The following SLC5A1 variants were observed in gnomAD, a reference collection of about 807,000 sequenced individuals.
SLC5A1 encodes sodium/glucose cotransporter 1.
SLC5A1 carries 42 observed loss-of-function variants against 73.5 expected under a neutral mutation model. That is an observed-to-expected ratio of 0.57 (90% CI 0.45 to 0.74). SLC5A1 has a LOEUF of 0.74. Among genes scored for constraint, SLC5A1 ranks in the 30% least tolerant of loss-of-function variants. The pLI is 0.00. For synonymous variants in SLC5A1, 300 were observed against 317.4 expected (o/e 0.95, Z 0.58); for missense variants, 634 against 855.4 (o/e 0.74, Z 3.23).
chr22:32,043,620 G>A lies in SLC5A1; in HGVS notation c.135+204G>A, dbSNP rs1010168562. 1.3e-5 allele frequency among the ~76,000 whole-genome samples: 2 copies of A among 152,144 alleles called. No homozygotes were observed. The highest frequency in any genetic ancestry group is 4.8e-5 in the African/African-American group (2 of 41,436). ...AGCAGAAGTGAGAAGGGTGCCCAGG[G>A]CAGCCTGCCAGGAAGGACCAAGGAG... On this transcript the variant is annotated intron_variant, in intron 1 of 14. Coordinates refer to ENST00000266088, the MANE Select transcript of SLC5A1 (RefSeq NM_000343.4). The surrounding 1 kb of genome is among the most constrained non-coding windows in gnomAD (Gnocchi z 6.5).
At chr22:32,061,754 G>C (rs2093963455) in intron 2 of SLC5A1, among the ~76,000 whole-genome samples, 1 of 152,206 alleles carries the variant, frequency 6.6e-6, no homozygotes, top group Non-Finnish European at 1.5e-5. Context: ...GTTTCAAAGA[G>C]GATTTGAAGG....
At chr22:32,105,289 ATTTTTTTT>A (rs750353760) in intron 14 of SLC5A1, among the ~76,000 whole-genome samples, 3 of 128,232 alleles carry the variant, frequency 2.3e-5, no homozygotes, top group African/African-American at 9.6e-5. Context: ...TGCACTCTTA[ATTTTTTTT>A]TTTTTTTTTT....
chr22:32,057,036 G>C (rs1363698215), intron 2 of SLC5A1, among the ~76,000 whole-genome samples: 1 of 152,222 alleles, frequency 6.6e-6, no homozygotes, highest in Non-Finnish European at 1.5e-5. Flanking sequence ...CAGTGGAAGA[G>C]ACTGAGGCTA....
chr22:32,090,057 G>A (rs932124968), intron 10 of SLC5A1, among the ~76,000 whole-genome samples: 2 of 147,028 alleles, frequency 1.4e-5, no homozygotes, highest in Admixed American at 6.9e-5. Flanking sequence ...AGAGCTTGAC[G>A]TAACTTGCTT....
chr22:32,097,818 A>C (rs1474941761), intron 11 of SLC5A1, among the ~76,000 whole-genome samples: 1 of 152,250 alleles, frequency 6.6e-6, no homozygotes, highest in Non-Finnish European at 1.5e-5. Context: ...TTTATCAAAG[A>C]CACCATTAAT....
chr22:32,104,906 A>G lies in SLC5A1; in HGVS notation c.1771+15A>G. The G allele has an allele frequency of 6.4e-7, 1 of 1,556,882 alleles. No homozygotes were observed. The highest frequency in any genetic ancestry group is 8.9e-7 in the Non-Finnish European group (1 of 1,127,840). On this transcript the variant is annotated intron_variant, in intron 14 of 14. Coordinates refer to ENST00000266088, the MANE Select transcript of SLC5A1 (RefSeq NM_000343.4). ...CATTGAAATAGGTGACTTATGACCC[A>G]GAGCAGATCCTAAACCATAAAAGTT...
chr22:32,088,967 T>C (rs1232271473), intron 10 of SLC5A1, among the ~76,000 whole-genome samples: 1 of 152,256 alleles, frequency 6.6e-6, no homozygotes, highest in Admixed American at 6.5e-5. Context: ...CCTAGTCTGA[T>C]AGACCATTAT....
intron 2 of SLC5A1, among the ~76,000 whole-genome samples, chr22:32,064,780 C>T (rs80321137): frequency 0.045 from 6,843 of 152,218 alleles, 208 homozygotes; most frequent in Non-Finnish European, 0.07. Flanking sequence ...GCCACTGTCC[C>T]CTCTCACCTA....
rs2094037016 is a variant in SLC5A1 at position 32,101,879 on chromosome 22, A to G, written c.1450-143A>G. 4 of 703,056 alleles carry G rather than the reference A, an allele frequency of 5.7e-6. No homozygotes were observed. In the Admixed American group the frequency reaches 8.2e-5, roughly 14 times the overall value. The allele number at this position is 703,056 out of a possible 1,614,324, so 43.6% of individuals were successfully genotyped here. On this transcript the variant is annotated intron_variant, in intron 12 of 14. Transcript: ENST00000266088. ...CACTCCTAGCCATATTCTGAACTTC[A>G]GTGTTCTGGGTTCAGACAGCCTGGA...
chr22:32,078,971 A>AAAAAAAAAAAAAAAAAAAAAAAC (rs2093995333), intron 5 of SLC5A1, among the ~76,000 whole-genome samples: 1 of 95,026 alleles, frequency 1.1e-5, no homozygotes, highest in African/African-American at 2.8e-5. Flanking sequence ...AAAAAAAAAA[A>AAAAAAAAAAAAAAAAAAAAAAAC]AAAAAAAAAA....
intron 2 of SLC5A1, among the ~76,000 whole-genome samples, chr22:32,064,923 T>A (rs990092591): frequency 3.3e-5 from 5 of 152,190 alleles, no homozygotes; most frequent in African/African-American, 7.2e-5. Flanking sequence ...TCCTCCAGTG[T>A]CATCCCATCT....
intron 11 of SLC5A1, among the ~76,000 whole-genome samples, chr22:32,094,502 C>T (rs1310342843): frequency 6.6e-6 from 1 of 152,072 alleles, no homozygotes; most frequent in East Asian, 1.9e-4. Flanking sequence ...TTTTAAATTA[C>T]CATTTCAACT....
intron 5 of SLC5A1, among the ~76,000 whole-genome samples, chr22:32,074,390 C>A (rs768716365): frequency 6.6e-6 from 1 of 152,272 alleles, no homozygotes; most frequent in African/African-American, 2.4e-5. Context: ...AGCCCATCCC[C>A]GAGGAGCCCG....
In SLC5A1 at chr22:32,083,155, G is replaced by GT; in HGVS notation, c.664+2dup. The GT allele has an allele frequency of 6.2e-7, 1 of 1,613,926 alleles. No individual in the cohort carries two copies. The highest frequency in any genetic ancestry group is 8.5e-7 in the Non-Finnish European group (1 of 1,179,798). On this transcript the variant is annotated splice_donor_variant, in intron 7 of 14. Coordinates refer to ENST00000266088, the MANE Select transcript of SLC5A1 (RefSeq NM_000343.4). LOFTEE classifies it high-confidence loss of function. ...GGGTCTTTAATCCTGACTGGGTTTG[G>GT]TAAGTGGGGCCAGGGCAGGCTGAGG...
intron 10 of SLC5A1, among the ~76,000 whole-genome samples, chr22:32,090,457 A>G (rs2094015334): frequency 6.6e-6 from 1 of 151,976 alleles, no homozygotes; most frequent in Admixed American, 6.5e-5. Context: ...CAAGGTTCAT[A>G]TGTGTCCTAG....
intron 14 of SLC5A1, among the ~76,000 whole-genome samples, chr22:32,106,662 G>A (rs1333788199): frequency 6.6e-6 from 1 of 152,166 alleles, no homozygotes; most frequent in African/African-American, 2.4e-5. Context: ...TTCTCTCGAA[G>A]ACCAATGAAA....
intron 11 of SLC5A1, among the ~76,000 whole-genome samples, chr22:32,096,897 G>A (rs145777742): frequency 2.0e-5 from 3 of 152,284 alleles, no homozygotes; most frequent in Non-Finnish European, 4.4e-5. Context: ...AGCAAACATG[G>A]TAGGCCACTT....
intron 11 of SLC5A1, among the ~76,000 whole-genome samples, chr22:32,092,413 G>T (rs529884123): frequency 6.6e-6 from 1 of 152,256 alleles, no homozygotes; most frequent in South Asian, 2.1e-4. Context: ...ATAAACCTGC[G>T]TGTGCAAACA....
chr22:32,084,772 T>G (rs1207997628), intron 8 of SLC5A1, 113 bp downstream of exon 8: 1 of 1,518,476 alleles, frequency 6.6e-7, no homozygotes, highest in African/African-American at 1.4e-5. Flanking sequence ...TCAGGTGGTT[T>G]GTAAGTTGCC....
Sources: gnomAD v4.1 joint callset for allele counts (sites outside exome capture counted in the v4.1 genomes callset) on GRCh38, gnomAD v4.1.1 for gene constraint, Gnocchi (gnomAD v3.1) non-coding constraint, MANE v1.5 for transcripts, NCBI Gene and HGNC (gene_info 2026-07-23, HGNC 2026-07-21) for gene names.